Variants in ETV6 observed in about 807,000 individuals in gnomAD.
ETV6 encodes the protein ETS variant transcription factor 6.
ETV6 carries 16 observed loss-of-function variants against 51.1 expected under a neutral mutation model. The observed-to-expected ratio is 0.31, with a 90% CI of 0.21 to 0.48. The LOEUF (loss-of-function observed/expected upper bound fraction) is 0.48. ETV6 is among the 20% of genes least tolerant of loss of function. The pLI is 0.99. For missense variants in ETV6, 458 were observed against 594.8 expected (o/e 0.77, Z 2.39); for synonymous variants, 240 against 224.1 (o/e 1.07, Z -0.64).
intron 7 of ETV6, 109 bp downstream of exon 7, chr12:11,886,135 A>G: frequency 1.3e-6 from 1 of 753,980 alleles, no homozygotes; most frequent in Non-Finnish European, 2.3e-6. Flanking sequence ...TCGGATACCC[A>G]AAGCCAATCA....
At chr12:11,796,618 G>A (rs1354228530) in intron 2 of ETV6, among the ~76,000 whole-genome samples, 2 of 152,312 alleles carry the variant, frequency 1.3e-5, no homozygotes, top group East Asian at 3.9e-4. Context: ...ATCTACCACT[G>A]AAACCAGAGC....
At chr12:11,681,557 TTTTA>T (rs1327863396) in intron 1 of ETV6, among the ~76,000 whole-genome samples, 1 of 152,150 alleles carries the variant, frequency 6.6e-6, no homozygotes, top group Non-Finnish European at 1.5e-5. Flanking sequence ...AATTCTCACG[TTTTA>T]TTTATTATTA....
intron 2 of ETV6, among the ~76,000 whole-genome samples, chr12:11,775,352 T>C (rs888826147): frequency 6.6e-6 from 1 of 152,194 alleles, no homozygotes; most frequent in Non-Finnish European, 1.5e-5. Context: ...AACTTAACTA[T>C]TCACAACAAA....
At chr12:11,758,169 C>T (rs1470860815) in intron 2 of ETV6, among the ~76,000 whole-genome samples, 1 of 152,178 alleles carries the variant, frequency 6.6e-6, no homozygotes, top group Non-Finnish European at 1.5e-5. Flanking sequence ...CGTGAATGGA[C>T]TTGAATTTCA....
chr12:11,891,664 C>A lies in ETV6; in HGVS notation c.*618C>A. On this transcript the variant is annotated 3_prime_UTR_variant, in exon 8 of 8. Coordinates refer to ENST00000396373, the MANE Select transcript of ETV6 (RefSeq NM_001987.5). ...GAGAGCTCTCTTTTTCTCTCTCTTG[C>A]TCTGTTCTTCCCTTGGTCCCCTCTG... is the stretch of plus-strand genomic sequence containing the variant. 1.9e-6 allele frequency: 1 copy of A among 518,540 alleles called. No individual in the cohort carries two copies. Among genetic ancestry groups the A allele is most frequent in the Non-Finnish European group, 3.7e-6 (1 of 269,696 alleles). The allele number at this position is 518,540 out of a possible 1,614,324, so 32.1% of individuals were successfully genotyped here. A position where few individuals can be genotyped will look rare whatever the true frequency, so the allele number is the denominator to read the frequency against.
chr12:11,881,094 C>T (rs1435926590), intron 5 of ETV6, among the ~76,000 whole-genome samples: 3 of 152,080 alleles, frequency 2.0e-5, no homozygotes, highest in East Asian at 1.9e-4. Flanking sequence ...TGCACCACCA[C>T]GCCTGGATAA....
intron 2 of ETV6, among the ~76,000 whole-genome samples, chr12:11,775,640 G>A (rs1474570347): frequency 2.0e-5 from 3 of 152,316 alleles, no homozygotes; most frequent in Admixed American, 2.0e-4. Context: ...GATGTGTGCA[G>A]AAGGCGCCAT....
At chr12:11,862,608 C>G (rs1946732837) in intron 4 of ETV6, among the ~76,000 whole-genome samples, 1 of 152,158 alleles carries the variant, frequency 6.6e-6, no homozygotes, top group Non-Finnish European at 1.5e-5. Context: ...AGGTCTCTGC[C>G]TTCATCTTCA....
intron 1 of ETV6, among the ~76,000 whole-genome samples, chr12:11,750,001 T>C (rs1005930123): frequency 6.6e-6 from 1 of 152,238 alleles, no homozygotes; most frequent in African/African-American, 2.4e-5. Context: ...TCATCAGGAA[T>C]GTGAGGAGAT....
chr12:11,856,090 A>G (rs1946629095), intron 4 of ETV6, among the ~76,000 whole-genome samples: 1 of 152,002 alleles, frequency 6.6e-6, no homozygotes, highest in Admixed American at 6.5e-5. Context: ...TCTCCTCCTC[A>G]CAGATCCTTC....
intron 2 of ETV6, among the ~76,000 whole-genome samples, chr12:11,759,450 C>A (rs73066983): frequency 0.16 from 24,437 of 152,022 alleles, 2,226 homozygotes; most frequent in East Asian, 0.34. Context: ...TATGTGAGCC[C>A]AGAGGTGCCC....
intron 1 of ETV6, among the ~76,000 whole-genome samples, chr12:11,683,189 G>A (rs530146788): frequency 1.4e-4 from 21 of 152,220 alleles, no homozygotes; most frequent in African/African-American, 4.1e-4. Flanking sequence ...GATTACAGGC[G>A]CGCTCCACCA....
At chr12:11,861,150 T>A (rs925572435) in intron 4 of ETV6, among the ~76,000 whole-genome samples, 1 of 152,140 alleles carries the variant, frequency 6.6e-6, no homozygotes, top group Non-Finnish European at 1.5e-5. Context: ...AGATTAACCT[T>A]TTTGCAGCCC....
chr12:11,768,465 G>T (rs1591660362), intron 2 of ETV6, among the ~76,000 whole-genome samples: 2 of 152,162 alleles, frequency 1.3e-5, no homozygotes, highest in African/African-American at 4.8e-5. Flanking sequence ...CCACAGAACT[G>T]GCTGGTAGCA....
intron 2 of ETV6, among the ~76,000 whole-genome samples, chr12:11,791,870 A>G (rs1945600431): frequency 6.6e-6 from 1 of 152,176 alleles, no homozygotes; most frequent in Non-Finnish European, 1.5e-5. Context: ...TTTAAAAAAA[A>G]AGATTTCATT....
intron 1 of ETV6, among the ~76,000 whole-genome samples, chr12:11,696,826 A>T (rs1465368202): frequency 1.3e-5 from 2 of 152,162 alleles, no homozygotes; most frequent in Admixed American, 6.5e-5. Context: ...TCAAAAAAAT[A>T]ATAATAAAAA....
chr12:11,872,695 C>T (rs1348099667), intron 5 of ETV6, among the ~76,000 whole-genome samples: 4 of 152,020 alleles, frequency 2.6e-5, no homozygotes, highest in East Asian at 1.9e-4. Flanking sequence ...GGGGTTTCAC[C>T]GTGTTGGCCA....
At chr12:11,767,243 A>G (rs1945174869) in intron 2 of ETV6, among the ~76,000 whole-genome samples, 2 of 152,216 alleles carry the variant, frequency 1.3e-5, no homozygotes, top group African/African-American at 4.8e-5. Context: ...TATCTCTAAA[A>G]TGGGTACAGT....
At position 11,894,603 on chromosome 12, in the gene ETV6, G is replaced by C. The variant is rs536326018; in HGVS notation, c.*3557G>C. 15 of 233,160 alleles carry C rather than the reference G, an allele frequency of 6.4e-5. No homozygotes were observed. Among genetic ancestry groups the C allele is most frequent in the Non-Finnish European group, 9.3e-5 (11 of 118,056 alleles). The allele number at this position is 233,160 out of a possible 1,614,324, so 14.4% of individuals were successfully genotyped here. ...TTTGATACTGATCTCTTGTCCAAAT[G>C]AGAATGTCGCTTTAGCTGAAATTCA... is the stretch of plus-strand genomic sequence containing the variant. On this transcript the variant is annotated 3_prime_UTR_variant, in exon 8 of 8. Coordinates refer to ENST00000396373, the MANE Select transcript of ETV6 (RefSeq NM_001987.5).
Sources: gnomAD v4.1 joint callset for allele counts (sites outside exome capture counted in the v4.1 genomes callset) on GRCh38, gnomAD v4.1.1 for gene constraint, MANE v1.5 for transcripts, NCBI Gene and HGNC (gene_info 2026-07-23, HGNC 2026-07-21) for gene names.